Variants in STRN3 observed in about 807,000 individuals in gnomAD.
The protein encoded by STRN3 is striatin 3, also known as striatin-3.
A neutral mutation model predicts 95.6 loss-of-function variants in STRN3; 29 were observed. The ratio of observed to expected loss-of-function variants is 0.30; its 90% CI spans 0.23 to 0.41. The LOEUF (loss-of-function observed/expected upper bound fraction) is 0.41, where lower values mean the gene tolerates loss of function less well. Among genes scored for constraint, STRN3 ranks in the 10% least tolerant of loss-of-function variants. STRN3 has a pLI of 1.00. For missense variants in STRN3, 890 were observed against 972.1 expected (o/e 0.92, Z 1.12); for synonymous variants, 331 against 357.6 (o/e 0.93, Z 0.84).
chr14:30,919,128 A>G (rs562907310), intron 8 of STRN3, 22 bp from the exon 9 acceptor site: 1 of 1,579,540 alleles, frequency 6.3e-7, no homozygotes, highest in South Asian at 1.2e-5. Flanking sequence ...TGTCAGCAGT[A>G]GAGGTTCATT....
At chr14:30,990,122 CAG>C (rs941001549) in intron 1 of STRN3, among the ~76,000 whole-genome samples, 47 of 150,638 alleles carry the variant, frequency 3.1e-4, no homozygotes, top group African/African-American at 1.1e-3. Context: ...AACAGTAAAC[CAG>C]AGTGGCAAGA....
At chr14:30,956,925 G>C (rs1263597253) in intron 1 of STRN3, among the ~76,000 whole-genome samples, 1 of 152,154 alleles carries the variant, frequency 6.6e-6, no homozygotes, top group Non-Finnish European at 1.5e-5. Flanking sequence ...TTGGGAGGCC[G>C]AGGCAGGCAG....
intron 1 of STRN3, among the ~76,000 whole-genome samples, chr14:30,974,876 G>T (rs554257318): frequency 6.6e-6 from 1 of 151,846 alleles, no homozygotes; most frequent in Non-Finnish European, 1.5e-5. Flanking sequence ...GTGAGCACAT[G>T]CTGTTGGAAA....
intron 1 of STRN3, chr14:31,025,458 G>A (rs1883776504): frequency 6.3e-6 from 1 of 157,952 alleles, no homozygotes; most frequent in African/African-American, 2.7e-5. Flanking sequence ...CGGAAAGGGG[G>A]GTGGTCCGGA....
chr14:30,916,591 A>G (rs1896746177), intron 9 of STRN3, among the ~76,000 whole-genome samples: 1 of 151,970 alleles, frequency 6.6e-6, no homozygotes, highest in African/African-American at 2.4e-5. Context: ...AAGTAGTTTT[A>G]ATATCTTCTT....
chr14:30,981,576 TCACACACACACACA>T (rs34644271), intron 1 of STRN3, among the ~76,000 whole-genome samples: 6 of 145,298 alleles, frequency 4.1e-5, no homozygotes, highest in Non-Finnish European at 7.5e-5. Flanking sequence ...AGCTTAGAAT[TCACACACACACACA>T]CACACACACA....
chr14:30,935,714 G>A (rs1878782744), intron 6 of STRN3, among the ~76,000 whole-genome samples: 1 of 152,098 alleles, frequency 6.6e-6, no homozygotes, highest in East Asian at 1.9e-4. Flanking sequence ...TCATAGCTGT[G>A]ATAATTATAA....
chr14:30,976,909 G>C (rs1224325300), intron 1 of STRN3, among the ~76,000 whole-genome samples: 1 of 152,118 alleles, frequency 6.6e-6, no homozygotes, highest in Non-Finnish European at 1.5e-5. Context: ...GGCCAACATG[G>C]TGAAACCCCA....
intron 8 of STRN3, among the ~76,000 whole-genome samples, chr14:30,924,551 C>G (rs1466588945): frequency 6.6e-6 from 1 of 152,102 alleles, no homozygotes; most frequent in Non-Finnish European, 1.5e-5. Context: ...CTCAGCCTCC[C>G]AAAGTGCTGG....
intron 1 of STRN3, among the ~76,000 whole-genome samples, chr14:30,989,830 T>C (rs1881868054): frequency 2.6e-5 from 4 of 151,960 alleles, no homozygotes; most frequent in South Asian, 2.1e-4. Flanking sequence ...TACTAACTCA[T>C]GTGACCCTGG....
chr14:31,001,443 G>C (rs1349888600), intron 1 of STRN3, among the ~76,000 whole-genome samples: 1 of 151,792 alleles, frequency 6.6e-6, no homozygotes, highest in Non-Finnish European at 1.5e-5. Flanking sequence ...GGTTAAAGCG[G>C]AAGAATCACT....
At chr14:31,023,710 T>G (rs534356528) in intron 1 of STRN3, among the ~76,000 whole-genome samples, 1 of 152,160 alleles carries the variant, frequency 6.6e-6, no homozygotes, top group East Asian at 1.9e-4. Context: ...CCCACAAATA[T>G]GTATTCAACA....
intron 1 of STRN3, among the ~76,000 whole-genome samples, chr14:31,019,037 T>C (rs1358315381): frequency 1.3e-5 from 2 of 152,114 alleles, no homozygotes; most frequent in Non-Finnish European, 2.9e-5. Flanking sequence ...ATGCCAGGCA[T>C]AGTGGCTCAT....
rs898080214 is a variant in STRN3 at position 30,982,658 on chromosome 14, C to T, written c.283-26416G>A. Among the ~76,000 whole-genome samples the T allele has an allele frequency of 2.6e-5, 4 of 152,218 alleles. No homozygotes were observed. The East Asian group carries it at 7.7e-4, about 29-fold the overall frequency. On this transcript the variant is annotated intron_variant, in intron 1 of 17. Coordinates refer to ENST00000357479, the MANE Select transcript of STRN3 (RefSeq NM_001083893.2). ...CTGTATTCCAATAATTTCACATTCA[C>T]GTGGTATTTGCAAGCATTAAGCCAC... is the stretch of plus-strand genomic sequence containing the variant.
At chr14:30,962,636 G>C (rs1194941554) in intron 1 of STRN3, among the ~76,000 whole-genome samples, 1 of 152,096 alleles carries the variant, frequency 6.6e-6, no homozygotes, top group African/African-American at 2.4e-5. Flanking sequence ...CTAGGTTCAG[G>C]TGATTCTCCC....
At chr14:30,930,388 AT>A in intron 7 of STRN3, among the ~76,000 whole-genome samples, 1 of 152,296 alleles carries the variant, frequency 6.6e-6, no homozygotes, top group South Asian at 2.1e-4. Flanking sequence ...TAAAGTAGAC[AT>A]AAAAAGCCTT....
At chr14:30,989,298 C>G (rs1881838140) in intron 1 of STRN3, among the ~76,000 whole-genome samples, 1 of 152,236 alleles carries the variant, frequency 6.6e-6, no homozygotes, top group East Asian at 1.9e-4. Flanking sequence ...AGCAATGGCA[C>G]CCATACCTGG....
intron 1 of STRN3, among the ~76,000 whole-genome samples, chr14:31,020,560 A>G (rs904291330): frequency 6.6e-6 from 1 of 152,098 alleles, no homozygotes; most frequent in Non-Finnish European, 1.5e-5. Context: ...CATTACATAT[A>G]CAGGTTTCCT....
intron 5 of STRN3, among the ~76,000 whole-genome samples, chr14:30,946,438 G>A (rs2139111307): frequency 6.6e-6 from 1 of 152,258 alleles, no homozygotes; most frequent in Non-Finnish European, 1.5e-5. Flanking sequence ...GAGCAACTCA[G>A]GAGGCTGAGG....
Sources: gnomAD v4.1 joint callset for allele counts (sites outside exome capture counted in the v4.1 genomes callset) on GRCh38, gnomAD v4.1.1 for gene constraint, MANE v1.5 for transcripts, NCBI Gene and HGNC (gene_info 2026-07-23, HGNC 2026-07-21) for gene names.